The following DAB2IP variants were observed in gnomAD, a reference collection of about 807,000 sequenced individuals.
DAB2IP encodes DAB2 interacting protein.
DAB2IP carries 28 observed loss-of-function variants against 107.2 expected under a neutral mutation model. The observed-to-expected ratio is 0.26, with a 90% CI of 0.19 to 0.36. The LOEUF (loss-of-function observed/expected upper bound fraction) is 0.36, where lower values mean the gene tolerates loss of function less well. Ranked by LOEUF, DAB2IP falls within the 10% of genes least tolerant of loss-of-function variation. The pLI, the probability that DAB2IP is intolerant of heterozygous loss-of-function variation, is 1.00. For missense variants in DAB2IP, 1,400 were observed against 1,644.7 expected, an observed-to-expected ratio of 0.85 and a Z score of 2.57; for synonymous variants, 755 against 706.4, an observed-to-expected ratio of 1.07 and a Z score of -1.09.
chr9:121,657,890 T>C (rs1412420394), intron 1 of DAB2IP, among the ~76,000 whole-genome samples: 1 of 152,210 alleles, frequency 6.6e-6, no homozygotes, highest in Non-Finnish European at 1.5e-5. Context: ...AGGAGCCAAC[T>C]GTTTCCCTTG....
intron 1 of DAB2IP, among the ~76,000 whole-genome samples, chr9:121,659,645 T>G (rs1484392354): frequency 6.6e-6 from 1 of 151,886 alleles, no homozygotes; most frequent in Non-Finnish European, 1.5e-5. Flanking sequence ...TACAAAAAAA[T>G]TAGCCGGGCG....
chr9:121,752,387 C>T (rs1833182935), intron 3 of DAB2IP, among the ~76,000 whole-genome samples: 1 of 148,824 alleles, frequency 6.7e-6, no homozygotes, highest in South Asian at 2.1e-4. Context: ...GGTTTTGGTC[C>T]AGGAACTCTA....
In DAB2IP at chr9:121,651,996, C is replaced by A; in HGVS notation, c.124+97C>A. ...TAGGGACCGGGATCCTCCTTCCAGC[C>A]ATTTGCCGGGGGTTTCCTCATCCGC... On this transcript the variant is annotated intron_variant, in intron 1 of 15. Coordinates refer to ENST00000408936, the Ensembl canonical transcript of DAB2IP. The surrounding 1 kb of genome is among the most constrained non-coding windows in gnomAD (Gnocchi z 5.1). 9.0e-7 allele frequency: 1 copy of A among 1,109,998 alleles called. No individual in the cohort carries two copies. The highest frequency in any genetic ancestry group is 1.1e-6 in the Non-Finnish European group (1 of 875,112). 68.8% of individuals were successfully genotyped at this position (1,109,998 alleles called of 1,614,324 possible). A position where few individuals can be genotyped will look rare whatever the true frequency, so the allele number is the denominator to read the frequency against.
chr9:121,745,389 C>T (rs1832654430), intron 3 of DAB2IP, among the ~76,000 whole-genome samples: 1 of 152,130 alleles, frequency 6.6e-6, no homozygotes. Flanking sequence ...TGGCCTGGAA[C>T]CCTGTGGCTT....
intron 1 of DAB2IP, among the ~76,000 whole-genome samples, chr9:121,589,532 C>A (rs1026426098): frequency 2.6e-5 from 4 of 152,164 alleles, no homozygotes; most frequent in Non-Finnish European, 2.9e-5. Context: ...AGCAGAGCCG[C>A]ATAGCTGCCC....
At chr9:121,709,239 C>T (rs1830209946) in intron 3 of DAB2IP, among the ~76,000 whole-genome samples, 1 of 152,228 alleles carries the variant, frequency 6.6e-6, no homozygotes, top group African/African-American at 2.4e-5. Flanking sequence ...CTTTGGTTTA[C>T]TGCATTCAGG....
In DAB2IP at chr9:121,634,968, T is replaced by C. The variant is rs934562516; in HGVS notation, c.41-43710T>C. ...CAGGCAGGTTTGATGCCTGATACCA[T>C]GGGGCCCTGTGTGCCAGTGCGGCCC... is the stretch of plus-strand genomic sequence containing the variant. On this transcript the variant is annotated intron_variant, in intron 1 of 16. Coordinates refer to the DAB2IP transcript ENST00000259371. The surrounding 1 kb of genome is among the most constrained non-coding windows in gnomAD (Gnocchi z 4.7). 6.6e-6 allele frequency among the ~76,000 whole-genome samples: 1 copy of C among 152,256 alleles called. No individual in the cohort carries two copies. Among genetic ancestry groups the C allele is most frequent in the East Asian group, 1.9e-4 (1 of 5,176 alleles).
At chr9:121,621,576 G>A (rs527478053) in intron 1 of DAB2IP, among the ~76,000 whole-genome samples, 81 of 151,776 alleles carry the variant, frequency 5.3e-4, no homozygotes, top group African/African-American at 1.9e-3. Context: ...GTAAGTCCTC[G>A]TGCAGTCCAG....
rs886768903 is a variant in DAB2IP, at chr9:121,782,564, G to A, written c.*66G>A. 23 of 1,574,072 alleles carry A rather than the reference G, an allele frequency of 1.5e-5. No homozygotes were observed. In the East Asian group the frequency reaches 3.4e-4, roughly 23 times the overall value. ...CTATGGTGGCCAAGGGCAGGGTCTC[G>A]GCCTGGGGAGGCACCCACGGTTGCA... On this transcript the variant is annotated 3_prime_UTR_variant, in exon 16 of 16. Transcript: ENST00000408936. The surrounding 1 kb of genome is among the most constrained non-coding windows in gnomAD (Gnocchi z 6.1).
chr9:121,607,614 C>T (rs935984036), intron 1 of DAB2IP, among the ~76,000 whole-genome samples: 3 of 152,160 alleles, frequency 2.0e-5, no homozygotes, highest in Non-Finnish European at 2.9e-5. Flanking sequence ...ACCACCCCAT[C>T]GTTCCTTTGT....
intron 1 of DAB2IP, among the ~76,000 whole-genome samples, chr9:121,590,537 A>G (rs1830404415): frequency 6.6e-6 from 1 of 152,176 alleles, no homozygotes; most frequent in Non-Finnish European, 1.5e-5. Flanking sequence ...GTTGCTTAAA[A>G]TCTGAGCCTC....
Position 121,705,499 on chromosome 9 carries a change from G to A in DAB2IP, c.362+6041G>A, listed in dbSNP as rs143928936. Reference sequence around the variant, plus strand: ...AGTGTTGGCTACTATTGTTATTATCGTGTGTTTTCTTCTTGGGTATGCATC... The same window carrying A: ...AGTGTTGGCTACTATTGTTATTATCATGTGTTTTCTTCTTGGGTATGCATC... On this transcript the variant is annotated intron_variant, in intron 3 of 15. Transcript: ENST00000408936. 1.6e-4 allele frequency among the ~76,000 whole-genome samples: 24 copies of A among 152,258 alleles called. No individual in the cohort carries two copies. In the East Asian group the frequency reaches 3.7e-3, roughly 23 times the overall value.
At chr9:121,616,797 G>A (rs1831295572) in intron 1 of DAB2IP, among the ~76,000 whole-genome samples, 1 of 152,234 alleles carries the variant, frequency 6.6e-6, no homozygotes, top group South Asian at 2.1e-4. Context: ...GAGCCTGGGA[G>A]GTGGCAGAAA....
Position 121,776,443 on chromosome 9 carries a change from C to T in DAB2IP, c.3314+52C>T, listed in dbSNP as rs1030919996. 103 of 1,458,572 alleles carry T rather than the reference C, an allele frequency of 7.1e-5. 1 individual carries two copies. Among genetic ancestry groups the T allele is most frequent in the African/African-American group, 1.9e-4 (13 of 69,670 alleles). 90.4% of individuals were successfully genotyped at this position (1,458,572 alleles called of 1,614,324 possible). On this transcript the variant is annotated intron_variant, in intron 14 of 15. Transcript: ENST00000408936. The surrounding 1 kb of genome is among the most constrained non-coding windows in gnomAD (Gnocchi z 5.4). ...CCACAGGCACAGGCAGGGCAGCCAT[C>T]GCTGCCTTCGAGGAGGCCCCTGGTC...
chr9:121,652,732 A>G (rs1258447032), intron 1 of DAB2IP, among the ~76,000 whole-genome samples: 1 of 152,144 alleles, frequency 6.6e-6, no homozygotes, highest in Admixed American at 6.5e-5. Context: ...GAAAGTGGGA[A>G]GCCGGGCCCT....
intron 1 of DAB2IP, among the ~76,000 whole-genome samples, chr9:121,677,463 T>C (rs545435239): frequency 1.4e-3 from 207 of 152,012 alleles, no homozygotes; most frequent in Non-Finnish European, 1.9e-3. Context: ...TCTAGGCTGG[T>C]TGAGTATGAT....
At chr9:121,569,345 A>G (rs1829880270) in intron 1 of DAB2IP, among the ~76,000 whole-genome samples, 1 of 152,260 alleles carries the variant, frequency 6.6e-6, no homozygotes, top group Non-Finnish European at 1.5e-5. Context: ...ATGCAGGTGC[A>G]CTGATGGGGG....
chr9:121,590,257 C>T (rs1012042709), intron 1 of DAB2IP, among the ~76,000 whole-genome samples: 3 of 150,000 alleles, frequency 2.0e-5, no homozygotes, highest in East Asian at 2.0e-4. Context: ...CACACTAGAT[C>T]GGAGCTGCTT....
At chr9:121,759,291 C>G (rs1346800490) in intron 5 of DAB2IP, among the ~76,000 whole-genome samples, 1 of 152,184 alleles carries the variant, frequency 6.6e-6, no homozygotes, top group Non-Finnish European at 1.5e-5. Context: ...TACTCCCCAG[C>G]CCCTGGCTGA....
Sources: gnomAD v4.1 joint callset for allele counts (sites outside exome capture counted in the v4.1 genomes callset) on GRCh38, gnomAD v4.1.1 for gene constraint, Gnocchi (gnomAD v3.1) non-coding constraint, MANE v1.5 for transcripts, NCBI Gene and HGNC (gene_info 2026-07-23, HGNC 2026-07-21) for gene names.